The following MARCHF1 variants were observed in gnomAD, a reference collection of about 807,000 sequenced individuals.
MARCHF1 encodes the protein membrane associated ring-CH-type finger 1, also known as E3 ubiquitin-protein ligase MARCHF1.
Under a neutral mutation model 54.2 loss-of-function variants are expected in MARCHF1, and 40 were observed. The ratio of observed to expected loss-of-function variants is 0.74; its 90% CI spans 0.57 to 0.96. MARCHF1 has a LOEUF of 0.96. Among genes scored for constraint, MARCHF1 ranks in the 40% least tolerant of loss-of-function variants. The pLI is 0.00. For missense variants in MARCHF1, 586 were observed against 656.5 expected, an observed-to-expected ratio of 0.89 and a Z score of 1.17; for synonymous variants, 236 against 236.3, an observed-to-expected ratio of 1.00 and a Z score of 0.01.
rs192532099 is a variant in MARCHF1, at chr4:163,706,150, C to T, written c.112-5287G>A. On this transcript the variant is annotated intron_variant, in intron 4 of 9. Coordinates refer to ENST00000514618, the MANE Select transcript of MARCHF1 (RefSeq NM_001394959.1). ...TCAAATTTCCTCCAGTGAGATGTGA[C>T]CAGAACTAACAATTGTCAGTTTCCT... Among the ~76,000 whole-genome samples, 383 of 152,176 alleles carry T rather than the reference C, an allele frequency of 2.5e-3. 4 individuals carry two copies. The highest frequency in any genetic ancestry group is 3.7e-3 in the Admixed American group (56 of 15,268).
At chr4:163,892,829 A>G (rs1399514129) in intron 3 of MARCHF1, among the ~76,000 whole-genome samples, 1 of 152,094 alleles carries the variant, frequency 6.6e-6, no homozygotes, top group Non-Finnish European at 1.5e-5. Flanking sequence ...GCTGACATAG[A>G]CAAGAGGCTC....
In MARCHF1 at chr4:163,640,750, A is replaced by G. The variant is rs565821686; in HGVS notation, c.163-27357T>C. The stretch of plus-strand genomic sequence containing the variant: ...GTGACTGCATAAATTGGATTCTTAT[A>G]CAGGATTATTGACACTTTAAGTCAT... On this transcript the variant is annotated intron_variant, in intron 5 of 9. Coordinates refer to ENST00000514618, the MANE Select transcript of MARCHF1 (RefSeq NM_001394959.1). Among the ~76,000 whole-genome samples, 711 of 152,254 alleles carry G rather than the reference A, an allele frequency of 4.7e-3. 5 individuals carry two copies. The highest frequency in any genetic ancestry group is 0.016 in the African/African-American group (668 of 41,564).
chr4:164,359,681 T>C (rs898287767), intron 1 of MARCHF1, among the ~76,000 whole-genome samples: 8 of 152,190 alleles, frequency 5.3e-5, no homozygotes, highest in Admixed American at 1.3e-4. Context: ...TAACTATTTA[T>C]TGTTATTATA....
chr4:164,136,518 C>G (rs1756405918), intron 1 of MARCHF1, among the ~76,000 whole-genome samples: 1 of 152,156 alleles, frequency 6.6e-6, no homozygotes, highest in African/African-American at 2.4e-5. Flanking sequence ...AGGGGCTCAG[C>G]AGAGCCGATT....
chr4:163,649,434 A>C (rs1423860054), intron 5 of MARCHF1, among the ~76,000 whole-genome samples: 2 of 152,032 alleles, frequency 1.3e-5, no homozygotes, highest in Non-Finnish European at 2.9e-5. Context: ...ATAATCGGTG[A>C]TATCTATGTG....
chr4:163,953,613 T>C (rs1474464832), intron 3 of MARCHF1, among the ~76,000 whole-genome samples: 1 of 152,146 alleles, frequency 6.6e-6, no homozygotes, highest in Non-Finnish European at 1.5e-5. Flanking sequence ...AGTAATCCAC[T>C]GTTAACATAC....
intron 1 of MARCHF1, among the ~76,000 whole-genome samples, chr4:164,328,256 AC>A (rs1177494301): frequency 1.3e-5 from 2 of 152,202 alleles, no homozygotes; most frequent in Non-Finnish European, 2.9e-5. Context: ...TAAAACATTA[AC>A]ATGGCAAATA....
intron 4 of MARCHF1, among the ~76,000 whole-genome samples, chr4:163,816,955 C>G (rs1748549944): frequency 6.6e-6 from 1 of 151,934 alleles, no homozygotes; most frequent in East Asian, 1.9e-4. Flanking sequence ...AAATGAGGTT[C>G]AACCTAATTT....
intron 4 of MARCHF1, among the ~76,000 whole-genome samples, chr4:163,720,178 T>C (rs1312222356): frequency 6.6e-6 from 1 of 152,246 alleles, no homozygotes; most frequent in Non-Finnish European, 1.5e-5. Flanking sequence ...ATTTAAGTCT[T>C]TAATCCATCT....
chr4:163,744,512 G>C (rs1330434425), intron 4 of MARCHF1, among the ~76,000 whole-genome samples: 1 of 152,126 alleles, frequency 6.6e-6, no homozygotes, highest in Non-Finnish European at 1.5e-5. Context: ...GATCTTCAGT[G>C]ACTTGTCTAT....
chr4:163,903,406 C>T (rs1403893781), intron 3 of MARCHF1, among the ~76,000 whole-genome samples: 3 of 152,080 alleles, frequency 2.0e-5, no homozygotes, highest in African/African-American at 7.2e-5. Context: ...GCCTGCTTAA[C>T]TCAGTCAAAC....
At chr4:164,219,691 A>T (rs1732033980) in intron 1 of MARCHF1, among the ~76,000 whole-genome samples, 1 of 152,086 alleles carries the variant, frequency 6.6e-6, no homozygotes, top group Non-Finnish European at 1.5e-5. Flanking sequence ...GCGATTTAAA[A>T]AGTCCATTCC....
intron 4 of MARCHF1, among the ~76,000 whole-genome samples, chr4:163,741,815 C>T (rs1378482685): frequency 6.6e-6 from 1 of 152,020 alleles, no homozygotes; most frequent in African/African-American, 2.4e-5. Flanking sequence ...ATATCTCCAG[C>T]GAAGTCACAG....
At chr4:163,545,884 A>G in intron 8 of MARCHF1, 141 bp from the exon 9 acceptor site, 1 of 705,328 alleles carries the variant, frequency 1.4e-6, no homozygotes, top group South Asian at 1.8e-5. Context: ...TATTCAAATA[A>G]GTCTTCATGT....
intron 1 of MARCHF1, among the ~76,000 whole-genome samples, chr4:164,182,241 T>C (rs1353583887): frequency 6.6e-6 from 1 of 152,080 alleles, no homozygotes; most frequent in East Asian, 1.9e-4. Context: ...CATAGGTCAA[T>C]ACAGTGAATA....
intron 2 of MARCHF1, among the ~76,000 whole-genome samples, chr4:164,044,477 G>A (rs6536775): frequency 0.41 from 62,081 of 151,994 alleles, 13,625 homozygotes; most frequent in Middle Eastern, 0.56. Flanking sequence ...CAAGGGGGAA[G>A]TCTGCCCCAT....
chr4:164,092,965 C>T (rs1755335863), intron 2 of MARCHF1, among the ~76,000 whole-genome samples: 1 of 152,044 alleles, frequency 6.6e-6, no homozygotes, highest in South Asian at 2.1e-4. Context: ...GAATTTAAAA[C>T]CCTCTGTAAA....
intron 5 of MARCHF1, among the ~76,000 whole-genome samples, chr4:163,668,437 C>T (rs1351012080): frequency 5.9e-5 from 9 of 152,044 alleles, no homozygotes. Context: ...AGGATCGTTG[C>T]ACATACATGA....
At chr4:164,211,346 T>C (rs1560955962) in intron 1 of MARCHF1, among the ~76,000 whole-genome samples, 1 of 117,656 alleles carries the variant, frequency 8.5e-6, no homozygotes, top group Non-Finnish European at 2.1e-5. Context: ...TATATATATA[T>C]ATATATATAC....
Sources: allele counts gnomAD v4.1 joint callset (sites outside exome capture counted in the v4.1 genomes callset), GRCh38; gene constraint gnomAD v4.1.1; transcripts MANE v1.5; gene names NCBI Gene and HGNC (gene_info 2026-07-23, HGNC 2026-07-21).